Variants in DENND2B observed in about 807,000 individuals in gnomAD.
DENND2B encodes DENN domain containing 2B.
A neutral mutation model predicts 116.0 loss-of-function variants in DENND2B; 32 were observed. That is an observed-to-expected ratio of 0.28 (90% CI 0.21 to 0.37). The LOEUF is 0.37. DENND2B is among the 10% of genes least tolerant of loss of function. The pLI, the probability that DENND2B is intolerant of heterozygous loss-of-function variation, is 1.00. For synonymous variants in DENND2B, 588 were observed against 583.9 expected (o/e 1.01, Z -0.10); for missense variants, 1,276 against 1,477.7 (o/e 0.86, Z 2.24).
At chr11:8,800,761 T>A (rs891577813) in intron 1 of DENND2B, among the ~76,000 whole-genome samples, 3 of 152,152 alleles carry the variant, frequency 2.0e-5, no homozygotes, top group African/African-American at 7.2e-5. Context: ...TTAAAACACA[T>A]TGCTAAATTT....
chr11:8,697,480 A>G (rs1360154452), intron 17 of DENND2B, 45 bp downstream of exon 17: 1 of 1,496,892 alleles, frequency 6.7e-7, no homozygotes, highest in Admixed American at 1.7e-5. Flanking sequence ...CCCAGAGCAG[A>G]GGGAGCCTGG....
chr11:8,785,674 T>G lies in DENND2B; in HGVS notation c.-26+24843A>C, dbSNP rs907086432. On this transcript the variant is annotated intron_variant, in intron 1 of 19. Transcript: ENST00000313726. ...GGCAAAGGGCAACTCCTGCCTAGCA[T>G]GTGTGACCCAAGAGATGACAGAGAA... 4.4e-4 allele frequency: 67 copies of G among 152,322 alleles called. 1 individual carries two copies. The highest frequency in any genetic ancestry group is 1.5e-3 in the African/African-American group (63 of 41,550). The allele number at this position is 152,322 out of a possible 1,614,324, so 9.4% of individuals were successfully genotyped here.
chr11:8,867,783 A>G (rs1356355634), intron 2 of DENND2B, among the ~76,000 whole-genome samples: 2 of 151,926 alleles, frequency 1.3e-5, no homozygotes, highest in Non-Finnish European at 2.9e-5. Flanking sequence ...GGGTTTCACC[A>G]TGTTGCCCAG....
At chr11:8,872,353 G>A (rs1464767718), upstream of DENND2B, among the ~76,000 whole-genome samples, 1 of 151,984 alleles carries the variant, frequency 6.6e-6, no homozygotes, top group African/African-American at 2.4e-5. Flanking sequence ...AGGAGTGGTG[G>A]CAGGCGCCTG....
chr11:8,764,809 G>C (rs1189069551), intron 1 of DENND2B, among the ~76,000 whole-genome samples: 2 of 152,014 alleles, frequency 1.3e-5, no homozygotes, highest in African/African-American at 4.8e-5. Context: ...GCTGGGCGTT[G>C]TGGTGGGTGC....
intron 2 of DENND2B, among the ~76,000 whole-genome samples, chr11:8,870,534 C>G (rs1234997843): frequency 6.6e-6 from 1 of 151,940 alleles, no homozygotes; most frequent in African/African-American, 2.4e-5. Context: ...TGCGCGCGCG[C>G]GCGCGCGTTC....
intron 2 of DENND2B, among the ~76,000 whole-genome samples, chr11:8,879,800 A>G (rs1013658206): frequency 2.6e-5 from 4 of 152,304 alleles, no homozygotes; most frequent in African/African-American, 7.2e-5. Flanking sequence ...GGGAAATTCT[A>G]GACTAGAGGT....
intron 2 of DENND2B, 23 bp downstream of exon 2, chr11:8,750,598 C>T: frequency 6.2e-7 from 1 of 1,607,620 alleles, no homozygotes; most frequent in Non-Finnish European, 8.5e-7. Context: ...GATGCCACCT[C>T]CCACAAGTGC....
intron 2 of DENND2B, among the ~76,000 whole-genome samples, chr11:8,869,620 C>T (rs1034061808): frequency 6.6e-6 from 1 of 151,782 alleles, no homozygotes; most frequent in African/African-American, 2.4e-5. Flanking sequence ...CGAGATTGCG[C>T]CACTGCACTC....
rs372451233 is a variant in DENND2B at position 8,713,930 on chromosome 11, G to A, written c.1987+68C>T. 52 of 1,554,486 alleles carry A rather than the reference G, an allele frequency of 3.3e-5. 1 individual carries two copies. The highest frequency in any genetic ancestry group is 1.8e-4 in the Middle Eastern group (1 of 5,514). On this transcript the variant is annotated intron_variant, in intron 8 of 19. Coordinates refer to ENST00000313726, the MANE Select transcript of DENND2B (RefSeq NM_213618.2). ...GGGACACTGGAACCACACATGCATC[G>A]GAAGGGAAGGCTGATTCCCTGCAGC...
At chr11:8,893,044 C>T (rs868304566) in intron 1 of DENND2B, among the ~76,000 whole-genome samples, 28 of 152,318 alleles carry the variant, frequency 1.8e-4, no homozygotes, top group Admixed American at 3.3e-4. Context: ...AAAAGCTTAT[C>T]CACCATGATC....
At chr11:8,750,471 A>C (rs1285234171) in intron 2 of DENND2B, 150 bp downstream of exon 2, 2 of 664,960 alleles carry the variant, frequency 3.0e-6, no homozygotes, top group East Asian at 5.1e-5. Flanking sequence ...GAACTAGAAA[A>C]TATCTTCTGC....
intron 1 of DENND2B, chr11:8,808,751 C>CAATAAG (rs1341579011): frequency 7.9e-5 from 12 of 152,260 alleles, no homozygotes; most frequent in African/African-American, 2.9e-4. Flanking sequence ...TGGCTCCTCC[C>CAATAAG]AACAGTCCTG....
At chr11:8,885,143 T>C (rs534632000) in intron 1 of DENND2B, among the ~76,000 whole-genome samples, 3 of 152,238 alleles carry the variant, frequency 2.0e-5, no homozygotes, top group South Asian at 2.1e-4. Flanking sequence ...CATGGCCTTG[T>C]TGTAATCTTG....
chr11:8,747,660 T>C (rs16905630), intron 2 of DENND2B, among the ~76,000 whole-genome samples: 5,505 of 151,352 alleles, frequency 0.036, 163 homozygotes, highest in African/African-American at 0.078. Flanking sequence ...GTGGGGAGAG[T>C]GTATCTGGCA....
Position 8,730,080 on chromosome 11 carries a change from T to C in DENND2B, c.1210A>G (p.Ser404Gly). The change falls in exon 3 of 20, where the codon AGT becomes GGT. Residue 404 changes from serine to glycine, a missense_variant. Transcript: ENST00000313726. The surrounding 1 kb of genome is among the most constrained non-coding windows in gnomAD (Gnocchi z 4.1). ...FEYEADKNPK[S>G]KPSNGLPPSP... is the part of the protein sequence containing the mutation. ...GGAGGTAGACCATTACTGGGCTTACTCTTGGGGTTCTTGTCAGCCTCGTAT... is the reference window on the plus strand; with the variant it reads ...GGAGGTAGACCATTACTGGGCTTACCCTTGGGGTTCTTGTCAGCCTCGTAT... 6.2e-7 allele frequency: 1 copy of C among 1,614,174 alleles called. No individual in the cohort carries two copies. Among genetic ancestry groups the C allele is most frequent in the Non-Finnish European group, 8.5e-7 (1 of 1,180,026 alleles).
intron 1 of DENND2B, among the ~76,000 whole-genome samples, chr11:8,884,569 T>C (rs2063939713): frequency 6.6e-6 from 1 of 152,134 alleles, no homozygotes; most frequent in South Asian, 2.1e-4. Context: ...GTTTACAGGA[T>C]TGGGTTAAGG....
intron 1 of DENND2B, among the ~76,000 whole-genome samples, chr11:8,775,656 G>A (rs891989332): frequency 4.6e-5 from 7 of 152,180 alleles, no homozygotes; most frequent in Non-Finnish European, 8.8e-5. Flanking sequence ...GCCGGAAGCA[G>A]GACCCAGGAG....
intron 2 of DENND2B, among the ~76,000 whole-genome samples, chr11:8,861,180 A>C (rs1022153554): frequency 6.6e-6 from 1 of 152,178 alleles, no homozygotes; most frequent in African/African-American, 2.4e-5. Context: ...AAAATAAATA[A>C]ATAAATGGGA....
Sources: allele counts gnomAD v4.1 joint callset (sites outside exome capture counted in the v4.1 genomes callset), GRCh38; gene constraint gnomAD v4.1.1; non-coding constraint Gnocchi (gnomAD v3.1); transcripts MANE v1.5; gene names NCBI Gene and HGNC (gene_info 2026-07-23, HGNC 2026-07-21).